Variants in LTBP2 observed in about 807,000 individuals in gnomAD.
The protein encoded by LTBP2 is latent-transforming growth factor beta-binding protein 2.
Under a neutral mutation model 210.6 loss-of-function variants are expected in LTBP2, and 103 were observed. The ratio of observed to expected loss-of-function variants is 0.49; its 90% confidence interval spans 0.42 to 0.58. The LOEUF is 0.58. Ranked by LOEUF, LTBP2 falls within the 20% of genes least tolerant of loss-of-function variation. LTBP2 has a pLI of 0.00. For missense variants in LTBP2, 2,313 were observed against 2,494.5 expected, an observed-to-expected ratio of 0.93 and a Z score of 1.55; for synonymous variants, 1,007 against 1,015.0, an observed-to-expected ratio of 0.99 and a Z score of 0.15.
Position 74,553,011 on chromosome 14 carries a change from G to A in LTBP2, c.1073C>T (p.Thr358Ile). 1.2e-6 allele frequency: 2 copies of A among 1,614,224 alleles called. No homozygotes were observed. Among genetic ancestry groups the A allele is most frequent in the Non-Finnish European group, 1.7e-6 (2 of 1,180,032 alleles). Residue 358 changes from threonine (T) to isoleucine (I), a missense_variant, in exon 5 of 36, where the codon ACC (threonine) becomes ATC (isoleucine). By Grantham distance (89) the Thr-to-Ile change is moderately conservative (BLOSUM62 -1). Transcript: ENST00000261978. Reference protein sequence around the residue: ...IKKIKIVFTPTICKQTCARGH... With the variant: ...IKKIKIVFTPIICKQTCARGH... Reference sequence around the variant, plus strand: ...ACGGGCACAGGTCTGCTTGCAGATGGTGGGAGTGAAGACGATCTTGATCTT... The same window carrying A: ...ACGGGCACAGGTCTGCTTGCAGATGATGGGAGTGAAGACGATCTTGATCTT...
intron 15 of LTBP2, among the ~76,000 whole-genome samples, chr14:74,524,427 TG>T (rs1302209805): frequency 1.3e-5 from 2 of 151,922 alleles, no homozygotes; most frequent in Admixed American, 6.5e-5. Flanking sequence ...ACAAGGTGAC[TG>T]GGTCTCTGGA....
In LTBP2 at chr14:74,529,100, C is replaced by A. The variant is rs754107140; in HGVS notation, c.2010G>T (p.Leu670=). 17 of 1,552,500 alleles carry A rather than the reference C, an allele frequency of 1.1e-5. No individual in the cohort carries two copies. In the South Asian group the frequency reaches 1.9e-4, roughly 17 times the overall value. ...CCAGCGACCGGTAGCACAGTCCCTG[C>A]AGCATGGAGATTGCCTTGTCCGCTG... ...RCVSDKAISM[L]QGLCYRSLGP... Residue 670 remains leucine, a synonymous_variant, in exon 11 of 36, where the codon CTG becomes CTT. Coordinates refer to ENST00000261978, the MANE Select transcript of LTBP2 (RefSeq NM_000428.3).
intron 14 of LTBP2, among the ~76,000 whole-genome samples, 193 bp downstream of exon 14, chr14:74,525,882 C>G (rs1219477553): frequency 6.6e-6 from 1 of 152,208 alleles, no homozygotes; most frequent in Admixed American, 6.5e-5. Context: ...GTCATGGGGT[C>G]TCTCGCTGAC....
At chr14:74,539,779 G>A (rs1407986763) in intron 8 of LTBP2, among the ~76,000 whole-genome samples, 1 of 152,200 alleles carries the variant, frequency 6.6e-6, no homozygotes, top group Admixed American at 6.5e-5. Context: ...GAGCAGCAGA[G>A]AGCTTGGATG....
At chr14:74,600,411 T>C (rs1595301838) in intron 2 of LTBP2, among the ~76,000 whole-genome samples, 1 of 152,182 alleles carries the variant, frequency 6.6e-6, no homozygotes, top group African/African-American at 2.4e-5. Flanking sequence ...GGCAGCATCC[T>C]ACCTCAGCAT....
At chr14:74,506,251 T>C (rs1171475080) in intron 27 of LTBP2, 60 bp from the exon 28 acceptor site, 3 of 1,610,482 alleles carry the variant, frequency 1.9e-6, no homozygotes, top group Non-Finnish European at 2.5e-6. Context: ...CCCCTGCCCC[T>C]GACTACAGCC....
rs191692241 is a variant in LTBP2 at position 74,499,582 on chromosome 14, C to A, written c.*1302G>T. Reference sequence around the variant, plus strand: ...TACATTGCCATTCATCAGAGAAGTACGAAGTCAGAGCTTTCCTTGTCTTTT... The same window carrying A: ...TACATTGCCATTCATCAGAGAAGTAAGAAGTCAGAGCTTTCCTTGTCTTTT... On this transcript the variant is annotated 3_prime_UTR_variant, in exon 36 of 36. Transcript: ENST00000261978. 2.2e-5 allele frequency: 5 copies of A among 227,778 alleles called. No homozygotes were observed. Among genetic ancestry groups the A allele is most frequent in the Non-Finnish European group, 3.5e-5 (4 of 114,668 alleles). The allele number at this position is 227,778 out of a possible 1,614,324, so 14.1% of individuals were successfully genotyped here.
chr14:74,506,845 GAT>G (rs773482315), intron 26 of LTBP2, 22 bp from the exon 27 acceptor site: 4 of 1,611,228 alleles, frequency 2.5e-6, no homozygotes, highest in Non-Finnish European at 3.4e-6. Context: ...TGGGAACCAG[GAT>G]AGAGGATGTG....
At chr14:74,507,362 T>C (rs1191188642) in intron 25 of LTBP2, 52 bp from the exon 26 acceptor site, 10 of 1,612,460 alleles carry the variant, frequency 6.2e-6, no homozygotes, top group Middle Eastern at 1.7e-4. Flanking sequence ...AGGTCACTGC[T>C]GTGGTCCCAC....
At chr14:74,540,401 A>C (rs1420792557) in intron 8 of LTBP2, among the ~76,000 whole-genome samples, 1 of 152,042 alleles carries the variant, frequency 6.6e-6, no homozygotes, top group Non-Finnish European at 1.5e-5. Context: ...TGAGCCTAGG[A>C]GGTAGAGGTG....
intron 8 of LTBP2, among the ~76,000 whole-genome samples, chr14:74,547,226 T>C (rs1183784349): frequency 1.3e-5 from 2 of 152,218 alleles, no homozygotes; most frequent in Non-Finnish European, 2.9e-5. Flanking sequence ...GCCACTAACA[T>C]CACTGTCAGA....
At chr14:74,608,715 G>GAAAAAAAAAAAAAA (rs5809673) in intron 1 of LTBP2, among the ~76,000 whole-genome samples, 1 of 116,256 alleles carries the variant, frequency 8.6e-6, no homozygotes. Context: ...TCAAAAAAAA[G>GAAAAAAAAAAAAAA]AAAAAAAAAA....
chr14:74,582,124 A>T (rs1368426428), intron 3 of LTBP2, among the ~76,000 whole-genome samples: 2 of 149,746 alleles, frequency 1.3e-5, no homozygotes, highest in Non-Finnish European at 1.5e-5. Flanking sequence ...GGTTCAAGTG[A>T]TTCTTCTCAA....
At chr14:74,550,906 C>T (rs1315024888) in intron 7 of LTBP2, among the ~76,000 whole-genome samples, 158 bp downstream of exon 7, 1 of 152,234 alleles carries the variant, frequency 6.6e-6, no homozygotes, top group African/African-American at 2.4e-5. Flanking sequence ...CATACATGGA[C>T]AATTTCATGC....
intron 2 of LTBP2, among the ~76,000 whole-genome samples, chr14:74,587,213 C>T (rs954264424): frequency 9.9e-5 from 15 of 152,140 alleles, no homozygotes; most frequent in Admixed American, 5.2e-4. Flanking sequence ...ACCGCACCCT[C>T]GAAACCCAAT....
At chr14:74,528,331 G>T in intron 12 of LTBP2, 152 bp downstream of exon 12, 2 of 872,566 alleles carry the variant, frequency 2.3e-6, no homozygotes, top group Non-Finnish European at 1.9e-6. Flanking sequence ...AGAGAAGGCT[G>T]CCAGGGTTGG....
intron 1 of LTBP2, among the ~76,000 whole-genome samples, chr14:74,609,751 C>G (rs2088578422): frequency 6.6e-6 from 1 of 152,238 alleles, no homozygotes; most frequent in Non-Finnish European, 1.5e-5. Context: ...TTGCACTTAA[C>G]AGGAACCTTC....
intron 1 of LTBP2, among the ~76,000 whole-genome samples, chr14:74,607,654 G>A (rs1317094241): frequency 1.3e-5 from 2 of 152,150 alleles, no homozygotes; most frequent in African/African-American, 4.8e-5. Flanking sequence ...AAAATCTAAT[G>A]AGGAGGGGAA....
At chr14:74,564,070 TA>T (rs1319392247) in intron 3 of LTBP2, among the ~76,000 whole-genome samples, 2 of 46,252 alleles carry the variant, frequency 4.3e-5, no homozygotes, top group South Asian at 5.8e-4. Flanking sequence ...TTTATATATA[TA>T]TATTTATATA....
Sources: allele counts gnomAD v4.1 joint callset (sites outside exome capture counted in the v4.1 genomes callset), GRCh38; gene constraint gnomAD v4.1.1; transcripts MANE v1.5; gene names NCBI Gene and HGNC (gene_info 2026-07-23, HGNC 2026-07-21).